Variants in ZNF138 observed in about 807,000 individuals in gnomAD.
The protein encoded by ZNF138 is zinc finger protein 138 (clone pHZ-32).
In ZNF138, 33 loss-of-function variants were observed where a neutral mutation model predicts 33.0. The observed-to-expected ratio is 1.00, with a 90% confidence interval of 0.76 to 1.34. ZNF138 has a LOEUF of 1.34. Ranked by LOEUF, ZNF138 falls within the 40% of genes most tolerant of loss-of-function variation. The pLI, the probability that ZNF138 is intolerant of heterozygous loss-of-function variation, is 0.00. For missense variants in ZNF138, 360 were observed against 370.8 expected (o/e 0.97, Z 0.24); for synonymous variants, 139 against 120.4 (o/e 1.15, Z -1.01).
chr7:64,819,359 ATTTT>A (rs56762783), intron 3 of ZNF138, among the ~76,000 whole-genome samples: 3,290 of 142,268 alleles, frequency 0.023, 107 homozygotes, highest in African/African-American at 0.072. Flanking sequence ...TTTCAGGGTA[ATTTT>A]TTTTTTTTTT....
chr7:64,853,159 C>T, the ZNF138 span: 19 of 1,514,256 alleles, frequency 1.3e-5, no homozygotes, highest in Admixed American at 1.7e-5. Context: ...GTATCCATTC[C>T]AATGCCAAGC....
At position 64,803,258 on chromosome 7, in the gene ZNF138, G is replaced by GTTT. The variant is rs60101981; in HGVS notation, c.3+8703_3+8705dup. Among the ~76,000 whole-genome samples, 244 of 113,034 alleles carry GTTT rather than the reference G, an allele frequency of 2.2e-3. 2 individuals are homozygous for GTTT. The highest frequency in any genetic ancestry group is 7.7e-3 in the African/African-American group (232 of 30,148). The allele number at this position is 113,034 out of a possible 152,430, so 74.2% of individuals were successfully genotyped here. A position where few individuals can be genotyped will look rare whatever the true frequency, so the allele number is the denominator to read the frequency against. ...TTGCTTTGTTTTTGCTTTGGCAAAG[G>GTTT]TTTTTTTTTTTTTTTTTTCATTTAA... is the stretch of plus-strand genomic sequence containing the variant. On this transcript the variant is annotated intron_variant, in intron 1 of 3. Coordinates refer to ENST00000307355, the MANE Select transcript of ZNF138 (RefSeq NM_001271639.2).
At chr7:64,798,312 GT>G (rs1235107043) in intron 1 of ZNF138, among the ~76,000 whole-genome samples, 1 of 152,210 alleles carries the variant, frequency 6.6e-6, no homozygotes, top group Non-Finnish European at 1.5e-5. Context: ...ATAAAATGGG[GT>G]TGTATGTTGG....
intron 3 of ZNF138, among the ~76,000 whole-genome samples, chr7:64,817,169 A>G (rs1487402627): frequency 6.6e-6 from 1 of 151,516 alleles, no homozygotes. Flanking sequence ...AACTGTGGCT[A>G]AGGGAACTAG....
At chr7:64,804,609 C>A (rs994734817) in intron 1 of ZNF138, among the ~76,000 whole-genome samples, 1 of 152,022 alleles carries the variant, frequency 6.6e-6, no homozygotes, top group Non-Finnish European at 1.5e-5. Flanking sequence ...TGGTGAAACC[C>A]CATCTCTACT....
the ZNF138 span, among the ~76,000 whole-genome samples, chr7:64,854,406 A>G: frequency 1.3e-5 from 2 of 152,204 alleles, no homozygotes; most frequent in South Asian, 2.1e-4. Flanking sequence ...ACACCTGGCT[A>G]ACTTTTGTAT....
At chr7:64,851,472 C>G in the ZNF138 span, among the ~76,000 whole-genome samples, 1 of 152,108 alleles carries the variant, frequency 6.6e-6, no homozygotes. Flanking sequence ...CTAAGAATTA[C>G]GCTAAATAGC....
intron 1 of ZNF138, among the ~76,000 whole-genome samples, chr7:64,813,443 T>TTG (rs1241675726): frequency 4.6e-5 from 7 of 151,946 alleles, no homozygotes; most frequent in Admixed American, 3.3e-4. Context: ...ATGATTTTTT[T>TTG]TTTTTTTTTT....
At chr7:64,810,556 G>A (rs112038775) in intron 1 of ZNF138, among the ~76,000 whole-genome samples, 198 of 5,518 alleles carry the variant, frequency 0.036, no homozygotes, top group African/African-American at 0.058. Context: ...TAAGAGATTT[G>A]TTTAAATTGC....
intron 3 of ZNF138, 132 bp from the exon 4 acceptor site, chr7:64,831,319 G>T: frequency 3.2e-6 from 3 of 950,830 alleles, no homozygotes; most frequent in Non-Finnish European, 4.7e-6. Context: ...GTCTATAAAG[G>T]AATTAGAACC....
downstream of ZNF138, chr7:64,835,833 C>A: frequency 6.6e-6 from 1 of 152,068 alleles, no homozygotes; most frequent in Non-Finnish European, 1.5e-5. Flanking sequence ...CTTTTCCTAG[C>A]CCTGATGCCA....
intron 1 of ZNF138, among the ~76,000 whole-genome samples, chr7:64,796,354 T>C (rs2128981483): frequency 6.6e-6 from 1 of 152,336 alleles, no homozygotes; most frequent in African/African-American, 2.4e-5. Context: ...GGAGAATCTC[T>C]CAAGTGATTG....
the ZNF138 span, chr7:64,853,093 A>C: frequency 5.6e-6 from 8 of 1,417,414 alleles, no homozygotes; most frequent in Non-Finnish European, 8.0e-6. Flanking sequence ...CAATTGGGTA[A>C]ATGTAATCTG....
intron 3 of ZNF138, among the ~76,000 whole-genome samples, chr7:64,820,784 G>A (rs1434447874): frequency 1.1e-4 from 17 of 151,498 alleles, no homozygotes; most frequent in Admixed American, 9.2e-4. Context: ...GGCTGGTCTC[G>A]AAGTCCTGAT....
chr7:64,799,829 C>T lies in ZNF138; in HGVS notation c.3+5258C>T, dbSNP rs1446636801. On this transcript the variant is annotated intron_variant, in intron 1 of 3. Transcript: ENST00000307355. ...TGGCTAATTTTTTGTTTAGGAGAGA[C>T]GGGGTTTCACCATGTTAGTCAGGCT... Among the ~76,000 whole-genome samples the T allele has an allele frequency of 5.9e-5, 9 of 151,928 alleles. No individual in the cohort carries two copies. In the East Asian group the frequency reaches 9.8e-4, roughly 17 times the overall value.
chr7:64,801,893 A>T (rs577013572), intron 1 of ZNF138, among the ~76,000 whole-genome samples: 42 of 152,310 alleles, frequency 2.8e-4, no homozygotes, highest in African/African-American at 9.6e-4. Flanking sequence ...TTAAGCTGGG[A>T]ACGGGGTCAC....
chr7:64,838,202 G>A (rs911735139), downstream of ZNF138, among the ~76,000 whole-genome samples: 11 of 152,178 alleles, frequency 7.2e-5, no homozygotes, highest in African/African-American at 1.2e-4. Flanking sequence ...GGGCACCTTC[G>A]CCATCCGAGG....
chr7:64,825,496 C>T (rs1266328598), intron 3 of ZNF138, among the ~76,000 whole-genome samples: 2 of 149,392 alleles, frequency 1.3e-5, no homozygotes, highest in Admixed American at 6.7e-5. Flanking sequence ...TTAAGCCACT[C>T]GGGCATTTTC....
chr7:64,818,887 G>A (rs1788890563), intron 3 of ZNF138, among the ~76,000 whole-genome samples: 1 of 152,126 alleles, frequency 6.6e-6, no homozygotes, highest in Non-Finnish European at 1.5e-5. Context: ...TGAGTACACA[G>A]TCAAATATTG....
Sources: gnomAD v4.1 joint callset for allele counts (sites outside exome capture counted in the v4.1 genomes callset) on GRCh38, gnomAD v4.1.1 for gene constraint, MANE v1.5 for transcripts, NCBI Gene and HGNC (gene_info 2026-07-23, HGNC 2026-07-21) for gene names.